The following GSTZ1 variants were observed in gnomAD, a reference collection of about 807,000 sequenced individuals.
GSTZ1 encodes the protein glutathione S-transferase zeta 1, also known as maleylacetoacetate isomerase.
A neutral mutation model predicts 35.9 loss-of-function variants in GSTZ1; 34 were observed. The observed-to-expected ratio is 0.95, with a 90% CI of 0.72 to 1.26. The LOEUF is 1.26. GSTZ1 is among the 50% of genes most tolerant of loss of function. The pLI is 0.00. For missense variants in GSTZ1, 263 were observed against 271.7 expected (o/e 0.97, Z 0.23); for synonymous variants, 93 against 101.2 (o/e 0.92, Z 0.49).
intron 1 of GSTZ1, 107 bp downstream of exon 1, chr14:77,321,290 C>G (rs1352193167): frequency 3.9e-6 from 6 of 1,521,806 alleles, no homozygotes; most frequent in Non-Finnish European, 5.3e-6. Context: ...ACAACGACTC[C>G]CGGCATGCAG....
intron 7 of GSTZ1, 100 bp downstream of exon 7, chr14:77,329,907 G>T: frequency 2.2e-6 from 2 of 893,024 alleles, no homozygotes. Context: ...CGTCTGCAGG[G>T]GGATCTCTGT....
rs774523538 is a variant in GSTZ1, at chr14:77,327,993, C to T, written c.298C>T (p.Arg100Cys). Residue 100 changes from arginine to cysteine, a missense_variant, in exon 5 of 9, where the codon CGT becomes TGT. By Grantham distance (180) the Arg-to-Cys change is radical. Transcript: ENST00000216465. ...GGACCCAAAGAAGAGGGCCAGCGTG[C>T]GTATGATTTCTGACCTCATCGCTGG... ...PQDPKKRASV[R>C]MISDLIAGGI... 21 of 1,613,824 alleles carry T rather than the reference C, an allele frequency of 1.3e-5. No homozygotes were observed. Among genetic ancestry groups the T allele is most frequent in the Admixed American group, 5.0e-5 (3 of 59,990 alleles).
chr14:77,330,110 G>A (rs757952997), intron 7 of GSTZ1, 200 bp from the exon 8 acceptor site: 2 of 711,460 alleles, frequency 2.8e-6, no homozygotes, highest in Non-Finnish European at 5.2e-6. Context: ...CAGGGCAACT[G>A]GAGCATGGCC....
intron 8 of GSTZ1, 26 bp from the exon 9 acceptor site, chr14:77,331,043 G>A (rs1279395675): frequency 6.2e-6 from 10 of 1,608,676 alleles, no homozygotes; most frequent in Non-Finnish European, 8.5e-6. Context: ...GAAAACCTTA[G>A]CTTAGCAGGT....
intron 4 of GSTZ1, 106 bp from the exon 5 acceptor site, chr14:77,327,806 T>G (rs1421219257): frequency 9.3e-7 from 1 of 1,078,546 alleles, no homozygotes; most frequent in African/African-American, 1.6e-5. Context: ...GGGGAAGAGG[T>G]GTAGTGATGG....
rs1891916614 is a variant in GSTZ1 at position 77,321,198 on chromosome 14, C to A, written c.15+15C>A. 2 of 1,488,074 alleles carry A rather than the reference C, an allele frequency of 1.3e-6. No homozygotes were observed. The highest frequency in any genetic ancestry group is 2.3e-5 in the Admixed American group (1 of 43,226). 92.2% of individuals were successfully genotyped at this position (1,488,074 alleles called of 1,614,324 possible). On this transcript the variant is annotated intron_variant, in intron 1 of 8. Coordinates refer to ENST00000216465, the MANE Select transcript of GSTZ1 (RefSeq NM_145870.3). ...AGGCGGGGAAGGTCTGTGACGCGCACCCGGGTGGAGGGAAGCTGGTTAGAC... is the reference window on the plus strand; with the variant it reads ...AGGCGGGGAAGGTCTGTGACGCGCAACCGGGTGGAGGGAAGCTGGTTAGAC...
chr14:77,324,577 C>T, intron 1 of GSTZ1: 2 of 1,533,070 alleles, frequency 1.3e-6, no homozygotes, highest in Non-Finnish European at 1.7e-6. Context: ...GGGACATTTC[C>T]TGGGAGGCTG....
chr14:77,329,730 A>AGATGTTT (rs1292084860), intron 6 of GSTZ1, 25 bp from the exon 7 acceptor site: 4 of 1,601,186 alleles, frequency 2.5e-6, no homozygotes. Context: ...GCCCAGAATA[A>AGATGTTT]GATGTTTATG....
At chr14:77,327,376 G>A in intron 3 of GSTZ1, 96 bp from the exon 4 acceptor site, 1 of 737,802 alleles carries the variant, frequency 1.4e-6, no homozygotes, top group Non-Finnish European at 2.5e-6. Context: ...AGGGAGATGG[G>A]GGTGGGTGGC....
chr14:77,327,920 C>T lies in GSTZ1; in HGVS notation c.225C>T (p.Ile75=), dbSNP rs746389854. 1.2e-6 allele frequency: 2 copies of T among 1,613,948 alleles called. No individual in the cohort carries two copies. Among genetic ancestry groups the T allele is most frequent in the South Asian group, 2.2e-5 (2 of 91,078 alleles). ...TGCTCCCCTCTGGACAGCTGGCCAT[C>T]ATTGAGTATCTAGAGGAGATGCGTC... ...DGITIHQSLA[I]IEYLEEMRPT... Residue 75 remains isoleucine (I), a synonymous_variant, in exon 5 of 9, where the codon ATC becomes ATT. Coordinates refer to ENST00000216465, the MANE Select transcript of GSTZ1 (RefSeq NM_145870.3).
Position 77,327,528 on chromosome 14 carries a change from T to A in GSTZ1, c.192T>A (p.Ile64=). The A allele has an allele frequency of 1.2e-6, 2 of 1,607,444 alleles. No individual in the cohort carries two copies. Among genetic ancestry groups the A allele is most frequent in the Non-Finnish European group, 1.7e-6 (2 of 1,176,100 alleles). ...NPMKQVPTLK[I]DGITIHQSLA... ...TGAAGCAGGTGCCAACCCTGAAGAT[T>A]GATGGAATCACCATTCACCAGTCAG... Residue 64 remains isoleucine (I), a synonymous_variant, in exon 4 of 9, where the codon ATT becomes ATA. Transcript: ENST00000216465.
intron 5 of GSTZ1, chr14:77,328,261 G>GT (rs1892443280): frequency 1.8e-6 from 1 of 558,316 alleles, no homozygotes; most frequent in Non-Finnish European, 3.2e-6. Flanking sequence ...AGTTTCCAAG[G>GT]ACGCATGTAC....
chr14:77,331,460 G>T lies in GSTZ1; in HGVS notation c.*265G>T, dbSNP rs781679349. 107 of 409,038 alleles carry T rather than the reference G, an allele frequency of 2.6e-4. No homozygotes were observed. Among genetic ancestry groups the T allele is most frequent in the Non-Finnish European group, 4.1e-4 (93 of 225,540 alleles). 25.3% of individuals were successfully genotyped at this position (409,038 alleles called of 1,614,324 possible). A position where few individuals can be genotyped will look rare whatever the true frequency, so the allele number is the denominator to read the frequency against. The stretch of plus-strand genomic sequence containing the variant: ...GTCGTGAGGCTGAGATGAGAATGCG[G>T]ATTAAAATGCCTGGCGTGCTCACCG... On this transcript the variant is annotated 3_prime_UTR_variant, in exon 9 of 9. Transcript: ENST00000216465.
At position 77,328,079 on chromosome 14, in the gene GSTZ1, C is replaced by G. The variant is rs1435427266; in HGVS notation, c.342+42C>G. On this transcript the variant is annotated intron_variant, in intron 5 of 8. Coordinates refer to ENST00000216465, the MANE Select transcript of GSTZ1 (RefSeq NM_145870.3). ...CTTGCACCCTTGCACACCTGACACACTCTTACACTCACACATTGGCTGTGA... is the reference window on the plus strand; with the variant it reads ...CTTGCACCCTTGCACACCTGACACAGTCTTACACTCACACATTGGCTGTGA... 3.7e-6 allele frequency: 6 copies of G among 1,607,128 alleles called. No individual in the cohort carries two copies. The Admixed American group carries it at 8.4e-5, about 22-fold the overall frequency.
chr14:77,331,137 C>T lies in GSTZ1; in HGVS notation c.593C>T (p.Ala198Val), dbSNP rs1439328453. 1 of 1,614,090 alleles carries T rather than the reference C, an allele frequency of 6.2e-7. No homozygotes were observed. The highest frequency in any genetic ancestry group is 1.7e-5 in the Admixed American group (1 of 60,036). The stretch of plus-strand genomic sequence containing the variant: ...AACAAGAGGCTGCTGGTCTTGGAGG[C>T]CTTCCAGGTGTCTCACCCCTGCCGG... ...SINKRLLVLE[A>V]FQVSHPCRQP... Residue 198 changes from alanine to valine, a missense_variant, in exon 9 of 9, where the codon GCC becomes GTC. Physicochemically the swap from Ala to Val is moderately conservative, Grantham distance 64. Transcript: ENST00000216465.
At chr14:77,321,307 G>T in intron 1 of GSTZ1, 124 bp downstream of exon 1, 1 of 1,527,476 alleles carries the variant, frequency 6.5e-7, no homozygotes, top group Non-Finnish European at 8.8e-7. Context: ...GCAGTGCTTT[G>T]CGCCGGGCAC....
At chr14:77,328,506 A>G (rs2139578299) in intron 5 of GSTZ1, 1 of 178,542 alleles carries the variant, frequency 5.6e-6, no homozygotes, top group South Asian at 1.3e-4. Flanking sequence ...TAGCCCCAGA[A>G]AGGTGGAGTG....
intron 6 of GSTZ1, 194 bp downstream of exon 6, chr14:77,329,395 G>C (rs116741076): frequency 6.6e-6 from 4 of 609,776 alleles, no homozygotes; most frequent in Non-Finnish European, 1.2e-5. Context: ...TGGGAACCTC[G>C]GTCCCTGAGC....
intron 2 of GSTZ1, chr14:77,325,711 C>G (rs1238608578): frequency 2.0e-5 from 3 of 152,180 alleles, no homozygotes; most frequent in African/African-American, 7.2e-5. Flanking sequence ...AGAAGCTTGC[C>G]TCCAGAGTGT....
Sources: gnomAD v4.1 joint callset for allele counts on GRCh38, gnomAD v4.1.1 for gene constraint, MANE v1.5 for transcripts, NCBI Gene and HGNC (gene_info 2026-07-23, HGNC 2026-07-21) for gene names.